The following ARL13B variants were observed in gnomAD, a reference collection of about 807,000 sequenced individuals.
The protein encoded by ARL13B is ARF like GTPase 13B, also known as ADP-ribosylation factor-like protein 13B.
A neutral mutation model predicts 56.1 loss-of-function variants in ARL13B; 36 were observed. The observed-to-expected ratio is 0.64, with a 90% CI of 0.49 to 0.85. ARL13B has a LOEUF of 0.85. Ranked by LOEUF, ARL13B falls within the 40% of genes least tolerant of loss-of-function variation. ARL13B has a pLI of 0.00. For synonymous variants in ARL13B, 178 were observed against 171.1 expected (o/e 1.04, Z -0.32); for missense variants, 519 against 507.1 (o/e 1.02, Z -0.23).
chr3:93,985,278 A>G (rs1710402004), intron 1 of ARL13B, among the ~76,000 whole-genome samples: 1 of 152,206 alleles, frequency 6.6e-6, no homozygotes, highest in Non-Finnish European at 1.5e-5. Context: ...TCTGGGCCTT[A>G]TAGCAGATTC....
intron 1 of ARL13B, among the ~76,000 whole-genome samples, chr3:93,984,440 ATCT>A (rs1480971003): frequency 7.4e-4 from 112 of 152,190 alleles, no homozygotes; most frequent in African/African-American, 2.6e-3. Flanking sequence ...CTCCATCCTC[ATCT>A]TCTTCCCATT....
chr3:94,045,899 C>T (rs1319999053), intron 7 of ARL13B, among the ~76,000 whole-genome samples: 2 of 139,474 alleles, frequency 1.4e-5, no homozygotes, highest in Non-Finnish European at 1.5e-5. Context: ...TGCAGTGAGC[C>T]GAGATGGTGC....
chr3:94,020,660 T>C (rs2106996422), intron 3 of ARL13B, among the ~76,000 whole-genome samples: 1 of 152,312 alleles, frequency 6.6e-6, no homozygotes, highest in South Asian at 2.1e-4. Context: ...TAAAAGTTTA[T>C]TCGGAAACAT....
rs75798771 is a variant in ARL13B, at chr3:94,011,783, A to C, written c.380+7875A>C. ...ATAGTGGAATCCTTTCACTCTACAT[A>C]TCTCTCTAGCTATTGATTACTTTTT... On this transcript the variant is annotated intron_variant, in intron 3 of 9. Transcript: ENST00000394222. Among the ~76,000 whole-genome samples the C allele has an allele frequency of 1.9e-3, 293 of 152,048 alleles. 2 individuals carry two copies. Among genetic ancestry groups the C allele is most frequent in the African/African-American group, 6.7e-3 (277 of 41,500 alleles).
Position 94,055,460 on chromosome 3 carries a change from A to G in ARL13B, c.*2197A>G. On this transcript the variant is annotated 3_prime_UTR_variant, in exon 10 of 10. Transcript: ENST00000394222. The stretch of plus-strand genomic sequence containing the variant: ...TCTGCAAGTTTTTATGTATGTGGGA[A>G]AGAATTTGTGATTTTAAATGCAGCT... 2.2e-6 allele frequency: 1 copy of G among 453,684 alleles called. No homozygotes were observed. The highest frequency in any genetic ancestry group is 4.4e-6 in the Non-Finnish European group (1 of 226,552). The allele number at this position is 453,684 out of a possible 1,614,324, so 28.1% of individuals were successfully genotyped here. A position where few individuals can be genotyped will look rare whatever the true frequency, so the allele number is the denominator to read the frequency against.
intron 1 of ARL13B, among the ~76,000 whole-genome samples, chr3:93,986,729 G>A (rs1034153614): frequency 1.3e-5 from 2 of 152,148 alleles, no homozygotes; most frequent in Non-Finnish European, 1.5e-5. Flanking sequence ...TGCACTTTGG[G>A]TGGCCGTGGT....
chr3:93,993,038 C>T (rs776589945), intron 1 of ARL13B, among the ~76,000 whole-genome samples: 11 of 150,802 alleles, frequency 7.3e-5, no homozygotes, highest in Non-Finnish European at 1.0e-4. Flanking sequence ...CGCCTGAGCT[C>T]GAGTGATCGG....
intron 3 of ARL13B, among the ~76,000 whole-genome samples, chr3:94,006,808 A>C (rs1388319758): frequency 6.6e-6 from 1 of 152,214 alleles, no homozygotes; most frequent in Non-Finnish European, 1.5e-5. Flanking sequence ...TCTTTAAACT[A>C]ACATAACCTC....
intron 3 of ARL13B, among the ~76,000 whole-genome samples, chr3:94,015,529 G>A (rs577747215): frequency 9.1e-4 from 138 of 152,278 alleles, no homozygotes; most frequent in Non-Finnish European, 1.6e-3. Context: ...AGCTGAGAAA[G>A]CAGTGATGCA....
At position 94,053,206 on chromosome 3, in the gene ARL13B, G is replaced by C; in HGVS notation, c.1230G>C (p.Leu410=). The stretch of plus-strand genomic sequence containing the variant: ...TCTTAGATTTCTATAGGAAGCCACT[G>C]CCTCCCCTGGCTGTGCCACAGCGAC... ...THHNDFYRKP[L]PPLAVPQRPN... The change falls in exon 10 of 10, where the codon CTG becomes CTC. Residue 410 remains leucine, a synonymous_variant. Coordinates refer to ENST00000394222, the MANE Select transcript of ARL13B (RefSeq NM_001174150.2). The C allele has an allele frequency of 6.2e-7, 1 of 1,612,738 alleles. No homozygotes were observed. Among genetic ancestry groups the C allele is most frequent in the Non-Finnish European group, 8.5e-7 (1 of 1,179,658 alleles).
At chr3:94,013,114 C>A (rs889770004) in intron 3 of ARL13B, among the ~76,000 whole-genome samples, 4 of 152,180 alleles carry the variant, frequency 2.6e-5, no homozygotes, top group African/African-American at 7.2e-5. Context: ...TTAGTCAGAC[C>A]CTCCTCAGGG....
chr3:94,003,955 C>CGATAGG, intron 3 of ARL13B, 47 bp downstream of exon 3: 1 of 1,609,908 alleles, frequency 6.2e-7, no homozygotes. Context: ...ATGGCATTGG[C>CGATAGG]CACTAAAGAA....
chr3:94,034,905 T>A lies in ARL13B; in HGVS notation c.381-426T>A, dbSNP rs568118960. ...GCTACAACATTTTAAGATACTAGTGTGTTCTGTAATCAGTACATTTAAAAC... is the reference window on the plus strand; with the variant it reads ...GCTACAACATTTTAAGATACTAGTGAGTTCTGTAATCAGTACATTTAAAAC... On this transcript the variant is annotated intron_variant, in intron 3 of 9. Transcript: ENST00000394222. Among the ~76,000 whole-genome samples, 3 of 152,316 alleles carry A rather than the reference T, an allele frequency of 2.0e-5. No individual in the cohort carries two copies. The East Asian group carries it at 5.8e-4, about 29-fold the overall frequency.
intron 5 of ARL13B, among the ~76,000 whole-genome samples, chr3:94,038,634 C>T (rs2076811122): frequency 6.6e-6 from 1 of 150,992 alleles, no homozygotes; most frequent in Non-Finnish European, 1.5e-5. Flanking sequence ...AGCGATTCTC[C>T]TGCCTCAGCC....
At chr3:94,009,721 C>T (rs2076192513) in intron 3 of ARL13B, among the ~76,000 whole-genome samples, 1 of 151,986 alleles carries the variant, frequency 6.6e-6, no homozygotes, top group Non-Finnish European at 1.5e-5. Context: ...GGAGCGTTAC[C>T]ACACTGTCAT....
intron 2 of ARL13B, among the ~76,000 whole-genome samples, chr3:93,998,561 T>C (rs1398347279): frequency 4.6e-5 from 7 of 152,228 alleles, no homozygotes; most frequent in Non-Finnish European, 7.3e-5. Flanking sequence ...CTTTATATTT[T>C]TGTGTTGTTC....
chr3:94,029,334 A>ATTTTTTT (rs71105171), intron 3 of ARL13B, among the ~76,000 whole-genome samples: 5 of 53,406 alleles, frequency 9.4e-5, no homozygotes, highest in African/African-American at 3.7e-4. Flanking sequence ...ATATATATAT[A>ATTTTTTT]TTTATTTTTT....
chr3:94,023,356 C>T (rs2076488967), intron 3 of ARL13B, among the ~76,000 whole-genome samples: 1 of 151,850 alleles, frequency 6.6e-6, no homozygotes, highest in Admixed American at 6.6e-5. Context: ...TCATGAAATT[C>T]TTGACCTTTT....
chr3:94,029,452 A>G (rs995627441), intron 3 of ARL13B, among the ~76,000 whole-genome samples: 7 of 149,492 alleles, frequency 4.7e-5, no homozygotes, highest in African/African-American at 7.4e-5. Context: ...GGTTCAAGCA[A>G]TTCTGCTGCC....
Sources: allele counts gnomAD v4.1 joint callset (sites outside exome capture counted in the v4.1 genomes callset), GRCh38; gene constraint gnomAD v4.1.1; transcripts MANE v1.5; gene names NCBI Gene and HGNC (gene_info 2026-07-23, HGNC 2026-07-21).